NAV3: variants seen among roughly 807,000 people sequenced by gnomAD.
NAV3 encodes the protein neuron navigator 3.
A neutral mutation model predicts 244.7 loss-of-function variants in NAV3; 87 were observed. The observed-to-expected ratio is 0.36, with a 90% confidence interval of 0.30 to 0.42. The LOEUF (loss-of-function observed/expected upper bound fraction) is 0.42, where lower values mean the gene tolerates loss of function less well. Among genes scored for constraint, NAV3 ranks in the 20% least tolerant of loss-of-function variants. The probability of loss-of-function intolerance (pLI) is 1.00; values close to 1 mark genes in which losing one functional copy is unlikely to be tolerated. For synonymous variants in NAV3, 1,126 were observed against 1,042.2 expected, an observed-to-expected ratio of 1.08 and a Z score of -1.55; for missense variants, 2,663 against 2,893.3, an observed-to-expected ratio of 0.92 and a Z score of 1.83.
chr12:77,960,223 A>T (rs1891760662), intron 3 of NAV3, among the ~76,000 whole-genome samples: 2 of 151,986 alleles, frequency 1.3e-5, no homozygotes, highest in South Asian at 2.1e-4. Context: ...AGACATAATT[A>T]ATTTGACTAC....
Position 78,154,316 on chromosome 12 carries a change from T to TATATTACTATATA in NAV3, c.4786-4883_4786-4882insTACTATATAATAT, listed in dbSNP as rs1565731427. On this transcript the variant is annotated intron_variant, in intron 22 of 39. Coordinates refer to ENST00000397909, the MANE Select transcript of NAV3 (RefSeq NM_001024383.2). Reference sequence around the variant, plus strand: ...ATATATTACTATATAATATATAGTATATATATAGTATATATTATATAGTAA... The same window carrying TATATTACTATATA: ...ATATATTACTATATAATATATAGTATATATTACTATATAATATATAGTATATATTATATAGTAA... Among the ~76,000 whole-genome samples, 113 of 90,306 alleles carry TATATTACTATATA rather than the reference T, an allele frequency of 1.3e-3. 1 individual carries two copies. The highest frequency in any genetic ancestry group is 5.3e-3 in the Admixed American group (38 of 7,226). 59.2% of individuals were successfully genotyped at this position (90,306 alleles called of 152,430 possible). A position where few individuals can be genotyped will look rare whatever the true frequency, so the allele number is the denominator to read the frequency against.
chr12:77,888,024 G>GTTCTT (rs1555223630), intron 1 of NAV3, among the ~76,000 whole-genome samples: 6 of 148,524 alleles, frequency 4.0e-5, no homozygotes, highest in Admixed American at 2.0e-4. Context: ...AAGTTGTTGA[G>GTTCTT]TTTTTTTTTT....
At chr12:78,163,996 C>G (rs1957676059) in intron 23 of NAV3, among the ~76,000 whole-genome samples, 2 of 152,152 alleles carry the variant, frequency 1.3e-5, no homozygotes, top group Middle Eastern at 6.8e-3. Flanking sequence ...AATTGCTACT[C>G]AAATCATTGT....
At chr12:77,727,989 T>A (rs181992200) in intron 2 of NAV3, among the ~76,000 whole-genome samples, 3 of 147,568 alleles carry the variant, frequency 2.0e-5, no homozygotes, top group African/African-American at 7.6e-5. Flanking sequence ...CTCATCAGTA[T>A]TTTTTTTTTA....
At chr12:77,731,174 A>C (rs1877112012) in intron 2 of NAV3, among the ~76,000 whole-genome samples, 1 of 152,002 alleles carries the variant, frequency 6.6e-6, no homozygotes, top group African/African-American at 2.4e-5. Flanking sequence ...GTAATCCCAG[A>C]ACAATGAAGT....
chr12:77,777,739 C>T (rs1870436585), intron 2 of NAV3, among the ~76,000 whole-genome samples: 1 of 151,958 alleles, frequency 6.6e-6, no homozygotes, highest in Admixed American at 6.6e-5. Flanking sequence ...AAATACTACA[C>T]AGAGAGGGGA....
intron 2 of NAV3, among the ~76,000 whole-genome samples, chr12:77,583,538 C>T (rs1321984488): frequency 1.3e-5 from 2 of 152,148 alleles, no homozygotes; most frequent in Admixed American, 1.3e-4. Flanking sequence ...ATTAATGTAG[C>T]ATACCATGTT....
At chr12:78,198,193 A>G (rs1182950627) in intron 35 of NAV3, among the ~76,000 whole-genome samples, 2 of 151,942 alleles carry the variant, frequency 1.3e-5, no homozygotes, top group Non-Finnish European at 2.9e-5. Flanking sequence ...TAAAATAAGG[A>G]ATGAAAGAAT....
chr12:78,147,200 G>T (rs985189365), intron 21 of NAV3, among the ~76,000 whole-genome samples: 1 of 152,052 alleles, frequency 6.6e-6, no homozygotes, highest in African/African-American at 2.4e-5. Context: ...AAACCAATTT[G>T]TCTTTATAAT....
chr12:77,754,840 T>C (rs1201763802), intron 2 of NAV3, among the ~76,000 whole-genome samples: 1 of 152,154 alleles, frequency 6.6e-6, no homozygotes, highest in Non-Finnish European at 1.5e-5. Flanking sequence ...GTTGCCAGAG[T>C]CATATTCCTT....
intron 1 of NAV3, among the ~76,000 whole-genome samples, chr12:77,841,959 T>A (rs563525803): frequency 3.3e-5 from 5 of 152,282 alleles, no homozygotes; most frequent in South Asian, 2.1e-4. Flanking sequence ...CTAGGAAATA[T>A]CATGTATCTG....
intron 20 of NAV3, among the ~76,000 whole-genome samples, chr12:78,141,726 T>C (rs1010989208): frequency 6.6e-6 from 1 of 152,136 alleles, no homozygotes; most frequent in African/African-American, 2.4e-5. Context: ...AATGTACTTT[T>C]TGTGCAAATG....
chr12:77,929,798 A>ATTTTTTTTTTTT (rs10602394), intron 1 of NAV3, among the ~76,000 whole-genome samples: 158 of 105,962 alleles, frequency 1.5e-3, no homozygotes, highest in Middle Eastern at 5.8e-3. Context: ...ACGGCCAGCT[A>ATTTTTTTTTTTT]TTTTTTTTTT....
intron 23 of NAV3, among the ~76,000 whole-genome samples, chr12:78,164,328 A>G (rs1957690033): frequency 6.6e-6 from 1 of 152,066 alleles, no homozygotes; most frequent in African/African-American, 2.4e-5. Flanking sequence ...TCCTATGCTA[A>G]CCATAAAGCC....
At chr12:78,031,328 C>T (rs546578437) in intron 9 of NAV3, among the ~76,000 whole-genome samples, 1 of 152,052 alleles carries the variant, frequency 6.6e-6, no homozygotes, top group Non-Finnish European at 1.5e-5. Flanking sequence ...GATAACAGCA[C>T]CTTGATTTTC....
chr12:77,993,866 T>C (rs1345697453), intron 5 of NAV3, among the ~76,000 whole-genome samples: 1 of 152,152 alleles, frequency 6.6e-6, no homozygotes, highest in Non-Finnish European at 1.5e-5. Flanking sequence ...GCCATTCCAA[T>C]TCATCTGAGA....
At chr12:77,575,040 T>TAA (rs1490246781) in intron 2 of NAV3, among the ~76,000 whole-genome samples, 1 of 148,406 alleles carries the variant, frequency 6.7e-6, no homozygotes, top group Non-Finnish European at 1.5e-5. Flanking sequence ...TATATATATA[T>TAA]AATATTTACA....
chr12:78,161,672 G>A (rs1365582037), intron 23 of NAV3, among the ~76,000 whole-genome samples: 1 of 151,996 alleles, frequency 6.6e-6, no homozygotes, highest in Non-Finnish European at 1.5e-5. Flanking sequence ...GAAGATATCA[G>A]AATGTCTCAT....
At chr12:77,845,429 C>T (rs1005703735) in intron 1 of NAV3, among the ~76,000 whole-genome samples, 4 of 152,150 alleles carry the variant, frequency 2.6e-5, no homozygotes, top group Middle Eastern at 3.4e-3. Flanking sequence ...TTAAAAGAAC[C>T]CAAGTACTTT....
Sources: allele counts gnomAD v4.1 joint callset (sites outside exome capture counted in the v4.1 genomes callset), GRCh38; gene constraint gnomAD v4.1.1; transcripts MANE v1.5; gene names NCBI Gene and HGNC (gene_info 2026-07-23, HGNC 2026-07-21).